TSHZ2: variants seen among roughly 807,000 people sequenced by gnomAD.
TSHZ2 encodes teashirt homolog 2.
A neutral mutation model predicts 74.4 loss-of-function variants in TSHZ2; 21 were observed. That is an observed-to-expected ratio of 0.28 (90% CI 0.20 to 0.41). The LOEUF (loss-of-function observed/expected upper bound fraction) is 0.41. Ranked by LOEUF, TSHZ2 falls within the 10% of genes least tolerant of loss-of-function variation. The pLI is 1.00. For synonymous variants in TSHZ2, 540 were observed against 515.3 expected (o/e 1.05, Z -0.65); for missense variants, 1,244 against 1,293.5 (o/e 0.96, Z 0.59).
At chr20:53,221,228 C>A (rs6063918) in intron 1 of TSHZ2, among the ~76,000 whole-genome samples, 125,597 of 152,104 alleles carry the variant, frequency 0.83, 52,207 homozygotes, top group African/African-American at 0.92. Flanking sequence ...AGGCCCCCCC[C>A]GCCATGTAGA....
chr20:53,323,563 C>CTTTTTTGTTTTTTTTT (rs1979363646), intron 2 of TSHZ2, among the ~76,000 whole-genome samples: 1 of 36,662 alleles, frequency 2.7e-5, no homozygotes, highest in African/African-American at 1.2e-4. Flanking sequence ...CCTTGGAGGG[C>CTTTTTTGTTTTTTTTT]TTTTTTTTTT....
At chr20:53,461,944 G>A (rs1985386325) in intron 2 of TSHZ2, among the ~76,000 whole-genome samples, 1 of 151,552 alleles carries the variant, frequency 6.6e-6, no homozygotes, top group African/African-American at 2.4e-5. Context: ...CTAAAAGAGA[G>A]CTATGGCCCA....
At chr20:53,148,528 A>G (rs1269252585) in intron 1 of TSHZ2, among the ~76,000 whole-genome samples, 1 of 152,220 alleles carries the variant, frequency 6.6e-6, no homozygotes, top group Non-Finnish European at 1.5e-5. Flanking sequence ...GTAGATGCTC[A>G]TATTCAATTT....
intron 1 of TSHZ2, among the ~76,000 whole-genome samples, chr20:53,107,124 T>A (rs1356937114): frequency 6.6e-6 from 1 of 152,208 alleles, no homozygotes; most frequent in East Asian, 1.9e-4. Context: ...AATATGGACA[T>A]GCAGATGACT....
chr20:53,367,727 C>T (rs1252680576), intron 2 of TSHZ2, among the ~76,000 whole-genome samples: 3 of 151,990 alleles, frequency 2.0e-5, no homozygotes, highest in Non-Finnish European at 4.4e-5. Context: ...CCTGCCACCA[C>T]GCCTTGCTAA....
Position 53,255,240 on chromosome 20 carries a change from G to T in TSHZ2, c.1782G>T (p.Leu594=). The change falls in exon 2 of 3, where the codon CTG becomes CTT. Residue 594 remains leucine (L), a synonymous_variant. Transcript: ENST00000371497. The surrounding 1 kb of genome is among the most constrained non-coding windows in gnomAD (Gnocchi z 4.1). ...VMPLVSMPTH[L]APYTQVKKES... is the part of the protein sequence containing the mutation. ...CACTGGTTTCTATGCCCACACACCT[G>T]GCCCCTTACACTCAAGTCAAGAAAG... is the stretch of plus-strand genomic sequence containing the variant. 3.7e-6 allele frequency: 6 copies of T among 1,614,152 alleles called. No individual in the cohort carries two copies. The highest frequency in any genetic ancestry group is 5.1e-6 in the Non-Finnish European group (6 of 1,180,040).
chr20:53,348,574 AC>A lies in TSHZ2; in HGVS notation c.*8+92004del, dbSNP rs534267545. ...AGACCCCCCCAAAAGAAACAAAGAA[AC>A]AAAAATGAACCTGATATTGAGCCGG... On this transcript the variant is annotated intron_variant, in intron 2 of 2. Transcript: ENST00000371497. Among the ~76,000 whole-genome samples, 602 of 152,352 alleles carry A rather than the reference AC, an allele frequency of 4.0e-3. 4 individuals are homozygous for A. Among genetic ancestry groups the A allele is most frequent in the African/African-American group, 0.014 (572 of 41,592 alleles).
intron 1 of TSHZ2, among the ~76,000 whole-genome samples, chr20:53,242,629 A>G (rs1316267640): frequency 6.9e-6 from 1 of 143,908 alleles, no homozygotes; most frequent in Non-Finnish European, 1.5e-5. Flanking sequence ...ATAGGGAGTA[A>G]CCCACCCTGT....
rs3042220 is a variant in TSHZ2, at chr20:53,463,380, GAGGAAGGAAGGAAGGAAGGA to G, written c.*9-23727_*9-23708del. ...CCCTGTCTTGAAAGACAGAGAGAGA[GAGGAAGGAAGGAAGGAAGGA>G]AGGAAGGAAGGAAGGAAGGAAGGAA... On this transcript the variant is annotated intron_variant, in intron 2 of 2. Transcript: ENST00000371497. Among the ~76,000 whole-genome samples, 77 of 68,636 alleles carry G rather than the reference GAGGAAGGAAGGAAGGAAGGA, an allele frequency of 1.1e-3. 1 individual carries two copies. Among genetic ancestry groups the G allele is most frequent in the Admixed American group, 2.7e-3 (16 of 5,854 alleles). 45.0% of individuals were successfully genotyped at this position (68,636 alleles called of 152,430 possible). A position where few individuals can be genotyped will look rare whatever the true frequency, so the allele number is the denominator to read the frequency against.
intron 1 of TSHZ2, among the ~76,000 whole-genome samples, chr20:53,169,257 C>T (rs1362322680): frequency 6.6e-6 from 1 of 152,186 alleles, no homozygotes; most frequent in African/African-American, 2.4e-5. Flanking sequence ...GAAACAAAAA[C>T]TGTATTGTCA....
At chr20:53,299,188 G>A (rs918170020) in intron 2 of TSHZ2, among the ~76,000 whole-genome samples, 2 of 152,196 alleles carry the variant, frequency 1.3e-5, no homozygotes, top group Non-Finnish European at 2.9e-5. Flanking sequence ...TCTTATAGCA[G>A]CACTAGAATG....
intron 2 of TSHZ2, among the ~76,000 whole-genome samples, chr20:53,361,931 T>A (rs1981071478): frequency 6.6e-6 from 1 of 152,034 alleles, no homozygotes; most frequent in African/African-American, 2.4e-5. Flanking sequence ...TGTTTTTTTT[T>A]TTTCTGGAGA....
chr20:53,076,640 A>G (rs747222137), intron 1 of TSHZ2, among the ~76,000 whole-genome samples: 3 of 152,152 alleles, frequency 2.0e-5, no homozygotes, highest in Non-Finnish European at 2.9e-5. Context: ...AAAAAACAGC[A>G]CTAAATTAGG....
intron 1 of TSHZ2, among the ~76,000 whole-genome samples, chr20:53,033,762 C>T (rs1983727139): frequency 7.0e-6 from 1 of 141,952 alleles, no homozygotes; most frequent in Non-Finnish European, 1.5e-5. Context: ...CTGGTTCGAG[C>T]AATTTGCTTG....
chr20:53,066,256 C>T (rs1308730202), intron 1 of TSHZ2, among the ~76,000 whole-genome samples: 1 of 148,880 alleles, frequency 6.7e-6, no homozygotes, highest in Non-Finnish European at 1.5e-5. Context: ...CCTCCGACCC[C>T]CGACTCCACT....
rs1481681612 is a variant in TSHZ2, at chr20:53,256,024, C to T, written c.2566C>T (p.Leu856=). Reference sequence around the variant, plus strand: ...CTGGAATCCTCAGCATCTTCTGATTCTACAAGCCCAGTTTGCCTCGAGCCT... The same window carrying T: ...CTGGAATCCTCAGCATCTTCTGATTTTACAAGCCCAGTTTGCCTCGAGCCT... ...SNWNPQHLLI[L]QAQFASSLFQ... Residue 856 remains leucine (L), a synonymous_variant, in exon 2 of 3, where the codon CTA becomes TTA. Coordinates refer to ENST00000371497, the MANE Select transcript of TSHZ2 (RefSeq NM_173485.6). This position sits in a 1 kb window ranked among gnomAD's most constrained non-coding sequence, Gnocchi z 4.3. The T allele has an allele frequency of 6.2e-7, 1 of 1,613,194 alleles. No homozygotes were observed. The highest frequency in any genetic ancestry group is 1.3e-5 in the African/African-American group (1 of 75,024).
chr20:53,296,156 T>C (rs553423570), intron 2 of TSHZ2, among the ~76,000 whole-genome samples: 4 of 152,106 alleles, frequency 2.6e-5, no homozygotes, highest in Admixed American at 6.6e-5. Context: ...TTTAATGGTG[T>C]GCTTCCTTCA....
chr20:53,365,473 T>A (rs751704852), intron 2 of TSHZ2, among the ~76,000 whole-genome samples: 10 of 152,222 alleles, frequency 6.6e-5, no homozygotes, highest in Non-Finnish European at 1.3e-4. Context: ...GAGGTCATAC[T>A]ATCTGAAGTT....
intron 1 of TSHZ2, among the ~76,000 whole-genome samples, chr20:53,103,867 T>A (rs945388864): frequency 6.6e-6 from 1 of 152,206 alleles, no homozygotes; most frequent in Admixed American, 6.5e-5. Flanking sequence ...GGGACAAGAT[T>A]TCATTATGAG....
Sources: allele counts gnomAD v4.1 joint callset (sites outside exome capture counted in the v4.1 genomes callset), GRCh38; gene constraint gnomAD v4.1.1; non-coding constraint Gnocchi (gnomAD v3.1); transcripts MANE v1.5; gene names NCBI Gene and HGNC (gene_info 2026-07-23, HGNC 2026-07-21).